NCOA7: variants seen among roughly 807,000 people sequenced by gnomAD.
The protein encoded by NCOA7 is 140 kDa estrogen receptor-associated protein.
Under a neutral mutation model 104.3 loss-of-function variants are expected in NCOA7, and 45 were observed. The observed-to-expected ratio is 0.43, with a 90% CI of 0.34 to 0.55. The LOEUF is 0.55. NCOA7 is among the 20% of genes least tolerant of loss of function. The pLI is 0.02. For synonymous variants in NCOA7, 398 were observed against 402.3 expected, an observed-to-expected ratio of 0.99 and a Z score of 0.13; for missense variants, 1,041 against 1,119.7, an observed-to-expected ratio of 0.93 and a Z score of 1.00.
intron 2 of NCOA7, among the ~76,000 whole-genome samples, chr6:125,824,951 G>A (rs958934555): frequency 2.6e-5 from 4 of 152,056 alleles, no homozygotes; most frequent in Non-Finnish European, 4.4e-5. Flanking sequence ...CAGGAGATTC[G>A]CTTGAACCCA....
chr6:125,916,952 G>A (rs1350375276), intron 11 of NCOA7, among the ~76,000 whole-genome samples: 2 of 152,074 alleles, frequency 1.3e-5, no homozygotes, highest in Non-Finnish European at 2.9e-5. Context: ...ACTATTTAAT[G>A]ATTTCCAATG....
upstream of NCOA7, chr6:125,790,943 C>T (rs1774783478): frequency 1.3e-5 from 2 of 152,770 alleles, no homozygotes; most frequent in Admixed American, 6.5e-5. Context: ...CTCCCCTGAC[C>T]CCTCCTTCCA....
chr6:125,811,023 A>G (rs1223469140), intron 1 of NCOA7, among the ~76,000 whole-genome samples: 1 of 152,332 alleles, frequency 6.6e-6, no homozygotes, highest in Admixed American at 6.5e-5. Context: ...AAATTTTCCA[A>G]TTAGATTGCT....
At chr6:125,918,868 C>G (rs928144990) in intron 11 of NCOA7, among the ~76,000 whole-genome samples, 1 of 152,034 alleles carries the variant, frequency 6.6e-6, no homozygotes, top group South Asian at 2.1e-4. Flanking sequence ...TTTCATCCTT[C>G]CTTTGAGATT....
rs553480854 is a variant in NCOA7 at position 125,922,568 on chromosome 6, A to G, written c.2371-114A>G. Reference sequence around the variant, plus strand: ...AATATTTGCCAGAATAAGGAGGGGCACTATGTGAGTGTATGATACTGAGTT... The same window carrying G: ...AATATTTGCCAGAATAAGGAGGGGCGCTATGTGAGTGTATGATACTGAGTT... On this transcript the variant is annotated intron_variant, in intron 12 of 15. Transcript: ENST00000392477. 8 of 1,188,650 alleles carry G rather than the reference A, an allele frequency of 6.7e-6. No homozygotes were observed. In the African/African-American group the frequency reaches 1.2e-4, roughly 18 times the overall value. The allele number at this position is 1,188,650 out of a possible 1,614,324, so 73.6% of individuals were successfully genotyped here.
At chr6:125,877,727 C>T (rs556240648) in intron 4 of NCOA7, among the ~76,000 whole-genome samples, 4 of 152,284 alleles carry the variant, frequency 2.6e-5, no homozygotes, top group Non-Finnish European at 5.9e-5. Flanking sequence ...ATCTGAATTT[C>T]TTTCTGATTT....
intron 7 of NCOA7, 42 bp downstream of exon 7, chr6:125,882,593 GA>G: frequency 6.3e-7 from 1 of 1,594,090 alleles, no homozygotes; most frequent in South Asian, 1.1e-5. Context: ...TGAAATCTAT[GA>G]AAAACTAAAC....
At chr6:125,884,625 A>G (rs772974587) in intron 7 of NCOA7, among the ~76,000 whole-genome samples, 3 of 152,206 alleles carry the variant, frequency 2.0e-5, no homozygotes, top group East Asian at 3.9e-4. Context: ...TCATGTTCCT[A>G]TTTACTTTGA....
At chr6:125,875,526 C>T (rs548373218) in intron 4 of NCOA7, 1 of 152,426 alleles carries the variant, frequency 6.6e-6, no homozygotes, top group East Asian at 1.9e-4. Flanking sequence ...GCTTGGTCGT[C>T]TTTCAAGAAA....
intron 13 of NCOA7, among the ~76,000 whole-genome samples, chr6:125,925,523 A>C (rs1787946447): frequency 6.6e-6 from 1 of 152,268 alleles, no homozygotes; most frequent in South Asian, 2.1e-4. Flanking sequence ...TCAGGCAATT[A>C]ATAGAGACTA....
intron 1 of NCOA7, among the ~76,000 whole-genome samples, chr6:125,813,449 A>ATTT (rs36073060): frequency 7.4e-5 from 10 of 135,696 alleles, no homozygotes; most frequent in African/African-American, 1.4e-4. Flanking sequence ...GGGAAATGCA[A>ATTT]TTTTTTTTTT....
chr6:125,856,979 CGT>C (rs1781613853), intron 3 of NCOA7, among the ~76,000 whole-genome samples: 1 of 152,068 alleles, frequency 6.6e-6, no homozygotes, highest in Admixed American at 6.6e-5. Context: ...ATGTTGCTAC[CGT>C]ACAGGCAGAT....
chr6:125,885,674 A>T (rs1048244649), intron 8 of NCOA7, among the ~76,000 whole-genome samples: 3 of 152,224 alleles, frequency 2.0e-5, no homozygotes, highest in African/African-American at 4.8e-5. Context: ...AAGTTTATCC[A>T]ATTATCAATA....
chr6:125,788,540 C>CT (rs59616110), upstream of NCOA7, among the ~76,000 whole-genome samples: 3,819 of 141,520 alleles, frequency 0.027, 167 homozygotes, highest in African/African-American at 0.09. Context: ...TTTGGAAGAC[C>CT]TTTTTTTTTT....
intron 10 of NCOA7, among the ~76,000 whole-genome samples, chr6:125,911,425 G>A (rs916238334): frequency 4.6e-5 from 7 of 152,022 alleles, no homozygotes; most frequent in Non-Finnish European, 1.0e-4. Flanking sequence ...CATAAGAGGT[G>A]GCCTCTTTTA....
intron 8 of NCOA7, among the ~76,000 whole-genome samples, chr6:125,886,339 AG>A (rs1404162569): frequency 1.3e-5 from 2 of 152,168 alleles, no homozygotes; most frequent in African/African-American, 4.8e-5. Context: ...TTTTGCTGCC[AG>A]AAGTGTCTAA....
chr6:125,832,507 A>G (rs1358427220), intron 2 of NCOA7, among the ~76,000 whole-genome samples: 1 of 152,208 alleles, frequency 6.6e-6, no homozygotes, highest in Admixed American at 6.5e-5. Flanking sequence ...TGGTAATGCT[A>G]CTTAGAGATT....
At chr6:125,824,575 G>A in intron 2 of NCOA7, among the ~76,000 whole-genome samples, 1 of 152,024 alleles carries the variant, frequency 6.6e-6, no homozygotes, top group East Asian at 1.9e-4. Flanking sequence ...GAATAAATGA[G>A]AAAAAATACA....
At chr6:125,891,308 TA>T (rs1033686182) in intron 10 of NCOA7, among the ~76,000 whole-genome samples, 2 of 152,186 alleles carry the variant, frequency 1.3e-5, no homozygotes, top group African/African-American at 4.8e-5. Context: ...TATACTCCTA[TA>T]AAAAATTATA....
Sources: gnomAD v4.1 joint callset for allele counts (sites outside exome capture counted in the v4.1 genomes callset) on GRCh38, gnomAD v4.1.1 for gene constraint, MANE v1.5 for transcripts, NCBI Gene and HGNC (gene_info 2026-07-23, HGNC 2026-07-21) for gene names.